Variants in CCDC180 observed in about 807,000 individuals in gnomAD.
CCDC180 encodes coiled-coil domain-containing protein 180.
A neutral mutation model predicts 209.2 loss-of-function variants in CCDC180; 154 were observed. That is an observed-to-expected ratio of 0.74 (90% confidence interval 0.65 to 0.84). The LOEUF (loss-of-function observed/expected upper bound fraction) is 0.84. CCDC180 is among the 40% of genes least tolerant of loss of function. CCDC180 has a pLI of 0.00. For missense variants in CCDC180, 1,874 were observed against 1,997.3 expected (o/e 0.94, Z 1.18); for synonymous variants, 778 against 749.1 (o/e 1.04, Z -0.63).
At position 97,308,113 on chromosome 9, in the gene CCDC180, A is replaced by G; in HGVS notation, c.50A>G (p.Gln17Arg). 6.2e-7 allele frequency: 1 copy of G among 1,608,504 alleles called. No individual in the cohort carries two copies. The highest frequency in any genetic ancestry group is 1.1e-5 in the South Asian group (1 of 90,200). The change falls in exon 2 of 37, where the codon CAG becomes CGG. Residue 17 changes from glutamine (Q) to arginine (R), a missense_variant. Coordinates refer to ENST00000529487, the MANE Select transcript of CCDC180 (RefSeq NM_020893.6). ...VTQVPNGKAY[Q>R]QIFQAEVQLV... is the part of the protein sequence containing the mutation. ...CAGGTTCCGAATGGGAAAGCCTACC[A>G]GCAGATCTTCCAGGCTGAGGTAGGA... is the stretch of plus-strand genomic sequence containing the variant.
intron 18 of CCDC180, among the ~76,000 whole-genome samples, chr9:97,341,963 GCA>G (rs1411423908): frequency 6.6e-6 from 1 of 152,208 alleles, no homozygotes; most frequent in African/African-American, 2.4e-5. Flanking sequence ...GGCTCTGTGG[GCA>G]TGGGACCTGC....
At position 97,311,302 on chromosome 9, in the gene CCDC180, C is replaced by T. The variant is rs77780094; in HGVS notation, c.261-811C>T. On this transcript the variant is annotated intron_variant, in intron 3 of 36. Coordinates refer to ENST00000529487, the MANE Select transcript of CCDC180 (RefSeq NM_020893.6). ...TTTAGAATGACAAGGTCTGAAAGAC[C>T]TGTCTCTAGAAGATTGGCCTGGGCC... is the stretch of plus-strand genomic sequence containing the variant. 2.5e-3 allele frequency among the ~76,000 whole-genome samples: 382 copies of T among 152,302 alleles called. 1 individual carries two copies. The highest frequency in any genetic ancestry group is 8.7e-3 in the African/African-American group (360 of 41,560).
chr9:97,315,788 C>T (rs1026674246), intron 8 of CCDC180, among the ~76,000 whole-genome samples: 1 of 152,198 alleles, frequency 6.6e-6, no homozygotes, highest in East Asian at 1.9e-4. Context: ...AGGCCTTTTC[C>T]ACTGCCCAGA....
At chr9:97,369,894 C>T (rs201788156) in intron 31 of CCDC180, 28 bp from the exon 32 acceptor site, 6 of 1,613,392 alleles carry the variant, frequency 3.7e-6, no homozygotes, top group Non-Finnish European at 5.1e-6. Context: ...TGTTCCCTCC[C>T]TTGGCCTCTT....
At position 97,349,237 on chromosome 9, in the gene CCDC180, G is replaced by T. The variant is rs562724882; in HGVS notation, c.2801G>T (p.Arg934Leu). ...EEQNVRSKNF[R>L]LKIYDMEHIF... ...CAAAACGTGAGGAGCAAAAACTTCC[G>T]CCTTAAGATCTATGACATGGAGCAC... The change falls in exon 21 of 37, where the codon CGC (arginine) becomes CTC (leucine). Residue 934 changes from arginine to leucine, a missense_variant. Transcript: ENST00000529487. 3 of 1,536,520 alleles carry T rather than the reference G, an allele frequency of 2.0e-6. No individual in the cohort carries two copies. Among genetic ancestry groups the T allele is most frequent in the Non-Finnish European group, 2.6e-6 (3 of 1,147,030 alleles).
chr9:97,317,030 GC>G, intron 8 of CCDC180, 34 bp from the exon 9 acceptor site: 9 of 1,570,946 alleles, frequency 5.7e-6, no homozygotes, highest in Non-Finnish European at 7.8e-6. Context: ...GAGAGACCCT[GC>G]CCTGTCTAGA....
In CCDC180 at chr9:97,314,609, T is replaced by G; in HGVS notation, c.589-9T>G. On this transcript the variant is annotated splice_polypyrimidine_tract_variant and intron_variant, in intron 6 of 36. Transcript: ENST00000529487. ...CGGCTCCTAGCCTGACCCAAACTTCTCTGCGTAGGCCCTGCTGGAGCTGTG... is the reference window on the plus strand; with the variant it reads ...CGGCTCCTAGCCTGACCCAAACTTCGCTGCGTAGGCCCTGCTGGAGCTGTG... The G allele has an allele frequency of 6.2e-7, 1 of 1,613,998 alleles. No homozygotes were observed. The highest frequency in any genetic ancestry group is 8.5e-7 in the Non-Finnish European group (1 of 1,179,976).
At chr9:97,313,956 G>A (rs1210416447) in intron 5 of CCDC180, among the ~76,000 whole-genome samples, 2 of 152,184 alleles carry the variant, frequency 1.3e-5, no homozygotes, top group African/African-American at 2.4e-5. Flanking sequence ...TGTGCCCAAA[G>A]CACCAAGAAC....
At chr9:97,307,857 A>T in intron 1 of CCDC180, 51 bp downstream of exon 1, 1 of 1,610,304 alleles carries the variant, frequency 6.2e-7, no homozygotes, top group South Asian at 1.1e-5. Context: ...GACGTTCCCC[A>T]GCCGCCTACC....
At chr9:97,355,705 CACA>C (rs1826563502) in intron 24 of CCDC180, among the ~76,000 whole-genome samples, 1 of 152,156 alleles carries the variant, frequency 6.6e-6, no homozygotes. Context: ...TGGCCTTAAC[CACA>C]AACAGGCCAT....
chr9:97,320,314 TG>T (rs1053769571), intron 11 of CCDC180, 109 bp downstream of exon 11: 1 of 1,034,284 alleles, frequency 9.7e-7, no homozygotes, highest in Non-Finnish European at 1.5e-6. Context: ...GGAGGAGGGA[TG>T]GGGGTGTGGC....
Position 97,370,754 on chromosome 9 carries a change from TAG to T in CCDC180, c.4465_4466del (p.Arg1489AspfsTer34), listed in dbSNP as rs1827065829. Reference sequence around the variant, plus strand: ...GGCAGGAAGAGCTGGACAGCATGATTAGGATGAACAAGGAGAAGCTGGAGGTC... The same window carrying T: ...GGCAGGAAGAGCTGGACAGCATGATTGATGAACAAGGAGAAGCTGGAGGTC... The part of the protein sequence containing the change: ...ERQEELDSMI[R>X]MNKEKLEECT... On this transcript the variant is annotated frameshift_variant, in exon 33 of 37. Coordinates refer to ENST00000529487, the MANE Select transcript of CCDC180 (RefSeq NM_020893.6). LOFTEE classifies it high-confidence loss of function. 3.7e-6 allele frequency: 6 copies of T among 1,613,912 alleles called. No individual in the cohort carries two copies. In the East Asian group the frequency reaches 1.3e-4, roughly 36 times the overall value.
intron 30 of CCDC180, among the ~76,000 whole-genome samples, 184 bp downstream of exon 30, chr9:97,365,923 A>G (rs1033739051): frequency 6.6e-6 from 1 of 152,198 alleles, no homozygotes; most frequent in Non-Finnish European, 1.5e-5. Flanking sequence ...AACCTCATTC[A>G]TTCATCTAAT....
chr9:97,315,049 C>T, intron 8 of CCDC180, 103 bp downstream of exon 8: 2 of 822,664 alleles, frequency 2.4e-6, no homozygotes, highest in South Asian at 1.5e-5. Flanking sequence ...GAATGGTGGG[C>T]TTCTCATCTA....
Position 97,313,305 on chromosome 9 carries a change from C to T in CCDC180, c.419C>T (p.Ala140Val). ...CACAAGAGGAAGAGCTACGAGAGCG[C>T]TCTGGCCAGCTTTCAGGAGGAGATT... Reference protein sequence around the residue: ...AEHKRKSYESALASFQEEIAQ... With the variant: ...AEHKRKSYESVLASFQEEIAQ... Residue 140 changes from alanine to valine, a missense_variant, in exon 5 of 37, where the codon GCT becomes GTT. Coordinates refer to ENST00000529487, the MANE Select transcript of CCDC180 (RefSeq NM_020893.6). 2 of 1,612,654 alleles carry T rather than the reference C, an allele frequency of 1.2e-6. No homozygotes were observed. The highest frequency in any genetic ancestry group is 1.7e-6 in the Non-Finnish European group (2 of 1,179,058).
rs760247803 is a variant in CCDC180 at position 97,314,403 on chromosome 9, C to T, written c.470C>T (p.Pro157Leu). The T allele has an allele frequency of 2.5e-6, 4 of 1,614,162 alleles. No individual in the cohort carries two copies. Among genetic ancestry groups the T allele is most frequent in the Non-Finnish European group, 3.4e-6 (4 of 1,180,032 alleles). Residue 157 changes from proline (P) to leucine (L), a missense_variant, in exon 6 of 37, where the codon CCT becomes CTT. Pro to Leu is a moderately conservative substitution (Grantham distance 98). Coordinates refer to ENST00000529487, the MANE Select transcript of CCDC180 (RefSeq NM_020893.6). ...CCTGGCCTGTTGCAGGAAATGGAAC[C>T]TCTCATCGTGGACACAGGGGGACTT... Reference protein sequence around the residue: ...EIAQVGKEMEPLIVDTGGLFL... With the variant: ...EIAQVGKEMELLIVDTGGLFL...
chr9:97,355,044 C>A, intron 24 of CCDC180, 36 bp downstream of exon 24: 1 of 1,379,656 alleles, frequency 7.2e-7, no homozygotes, highest in Non-Finnish European at 1.0e-6. Context: ...GGATCTTTAT[C>A]ACACACACCT....
Position 97,357,729 on chromosome 9 carries a change from A to G in CCDC180, c.3363+4A>G. On this transcript the variant is annotated splice_donor_region_variant and intron_variant, in intron 25 of 36. Coordinates refer to ENST00000529487, the MANE Select transcript of CCDC180 (RefSeq NM_020893.6). ...AGAGTCCAGGGGAGAGAAAACCGTA[A>G]GTGTTCAATAGATTCTGCATGTGAA... 1 of 1,575,296 alleles carries G rather than the reference A, an allele frequency of 6.3e-7. No homozygotes were observed.
intron 29 of CCDC180, 154 bp downstream of exon 29, chr9:97,364,282 T>C: frequency 1.6e-6 from 1 of 616,052 alleles, no homozygotes; most frequent in South Asian, 2.0e-5. Flanking sequence ...AAGGTCAGTT[T>C]GTCTCAGCCC....
Sources: allele counts gnomAD v4.1 joint callset (sites outside exome capture counted in the v4.1 genomes callset), GRCh38; gene constraint gnomAD v4.1.1; transcripts MANE v1.5; gene names NCBI Gene and HGNC (gene_info 2026-07-23, HGNC 2026-07-21).